The following OSMR variants were observed in gnomAD, a reference collection of about 807,000 sequenced individuals.
OSMR encodes the protein oncostatin-M-specific receptor subunit beta.
In OSMR, 81 loss-of-function variants were observed where a neutral mutation model predicts 99.9. The observed-to-expected ratio is 0.81, with a 90% confidence interval of 0.68 to 0.97. The LOEUF (loss-of-function observed/expected upper bound fraction) is 0.97, where lower values mean the gene tolerates loss of function less well. Ranked by LOEUF, OSMR falls within the 50% of genes least tolerant of loss-of-function variation. The probability of loss-of-function intolerance (pLI) is 0.00; values close to 1 mark genes in which losing one functional copy is unlikely to be tolerated. For synonymous variants in OSMR, 406 were observed against 410.4 expected, an observed-to-expected ratio of 0.99 and a Z score of 0.13; for missense variants, 1,099 against 1,153.4, an observed-to-expected ratio of 0.95 and a Z score of 0.68.
intron 1 of OSMR, among the ~76,000 whole-genome samples, chr5:38,856,544 A>G (rs1160806514): frequency 6.9e-6 from 1 of 145,450 alleles, no homozygotes; most frequent in Admixed American, 6.9e-5. Flanking sequence ...GACAGAAGAA[A>G]ACAGGGAATC....
chr5:38,921,908 C>T (rs1014920388), intron 12 of OSMR, 114 bp downstream of exon 12: 20 of 887,328 alleles, frequency 2.3e-5, no homozygotes, highest in East Asian at 7.4e-5. Context: ...AATTTTGAAA[C>T]GACAAATCCA....
At chr5:38,943,205 A>G (rs1561433307) in intron 1 of OSMR, 3 of 386,406 alleles carry the variant, frequency 7.8e-6, no homozygotes, top group Non-Finnish European at 1.4e-5. Context: ...ACTTCTTGTA[A>G]AATTGAAGCA....
intron 6 of OSMR, 26 bp downstream of exon 6, chr5:38,885,510 G>A (rs1307839446): frequency 6.2e-7 from 1 of 1,613,722 alleles, no homozygotes. Context: ...TTACATTATT[G>A]ACAACTTCTT....
intron 2 of OSMR, among the ~76,000 whole-genome samples, chr5:38,870,822 A>G (rs991928579): frequency 6.6e-6 from 1 of 152,170 alleles, no homozygotes; most frequent in Non-Finnish European, 1.5e-5. Context: ...ATGGGCAGAA[A>G]TAGGCTGTAA....
At position 38,917,439 on chromosome 5, in the gene OSMR, C is replaced by T. The variant is rs151114407; in HGVS notation, c.1286-107C>T. The T allele has an allele frequency of 2.2e-5, 33 of 1,526,924 alleles. No individual in the cohort carries two copies. In the African/African-American group the frequency reaches 2.6e-4, roughly 12 times the overall value. The allele number at this position is 1,526,924 out of a possible 1,614,324, so 94.6% of individuals were successfully genotyped here. A position where few individuals can be genotyped will look rare whatever the true frequency, so the allele number is the denominator to read the frequency against. ...GAGTGAAAACGGGAGAGGCAAGCCT[C>T]AGGTTGGACAGGTAATTGTCATGTC... On this transcript the variant is annotated intron_variant, in intron 9 of 17. Coordinates refer to ENST00000274276, the MANE Select transcript of OSMR (RefSeq NM_003999.3).
chr5:38,852,990 C>T (rs1472574430), intron 1 of OSMR, among the ~76,000 whole-genome samples: 1 of 152,072 alleles, frequency 6.6e-6, no homozygotes, highest in Non-Finnish European at 1.5e-5. Context: ...CTCGGCCTCC[C>T]AAAGTGCTGG....
At chr5:38,854,627 A>G (rs1009424801) in intron 1 of OSMR, among the ~76,000 whole-genome samples, 5 of 151,676 alleles carry the variant, frequency 3.3e-5, no homozygotes, top group Non-Finnish European at 7.3e-5. Context: ...ATTTTCATTA[A>G]AAAAAGATTG....
intron 14 of OSMR, 119 bp from the exon 15 acceptor site, chr5:38,925,085 C>T: frequency 6.5e-7 from 1 of 1,531,926 alleles, no homozygotes; most frequent in Non-Finnish European, 8.8e-7. Flanking sequence ...TTGGTATAAA[C>T]ATGTTGGTGG....
rs140449025 is a variant in OSMR, at chr5:38,914,929, G to A, written c.1286-2617G>A. On this transcript the variant is annotated intron_variant, in intron 9 of 17. Coordinates refer to ENST00000274276, the MANE Select transcript of OSMR (RefSeq NM_003999.3). ...GGGATCATTCATATTCCAAACCTCA[G>A]CATTGCACAATATACCCATGTAACA... Among the ~76,000 whole-genome samples the A allele has an allele frequency of 2.0e-5, 3 of 152,260 alleles. No homozygotes were observed. In the East Asian group the frequency reaches 5.8e-4, roughly 29 times the overall value.
intron 4 of OSMR, among the ~76,000 whole-genome samples, chr5:38,882,206 C>T (rs1743344458): frequency 6.6e-6 from 1 of 152,182 alleles, no homozygotes. Flanking sequence ...GACTATTCAA[C>T]TCTGCTACTG....
intron 2 of OSMR, among the ~76,000 whole-genome samples, chr5:38,869,782 G>T (rs1390736592): frequency 6.6e-6 from 1 of 152,138 alleles, no homozygotes; most frequent in Non-Finnish European, 1.5e-5. Context: ...AACTTGTTTA[G>T]AAGTAGATCT....
intron 3 of OSMR, among the ~76,000 whole-genome samples, chr5:38,879,205 G>A (rs1306693568): frequency 1.3e-5 from 2 of 152,244 alleles, no homozygotes; most frequent in African/African-American, 4.8e-5. Flanking sequence ...GGCCCAACAG[G>A]CATGAGCAGA....
At chr5:38,870,186 C>A (rs2112249673) in intron 2 of OSMR, among the ~76,000 whole-genome samples, 1 of 152,254 alleles carries the variant, frequency 6.6e-6, no homozygotes, top group African/African-American at 2.4e-5. Context: ...TGATGTTAGT[C>A]TCTTCTAATC....
intron 1 of OSMR, among the ~76,000 whole-genome samples, chr5:38,853,870 G>C (rs79661950): frequency 0.02 from 2,978 of 152,242 alleles, 106 homozygotes; most frequent in African/African-American, 0.068. Flanking sequence ...GGTGGGGTGT[G>C]GGGGACGGAC....
chr5:38,912,207 A>C (rs957897905), intron 9 of OSMR, among the ~76,000 whole-genome samples: 1 of 152,244 alleles, frequency 6.6e-6, no homozygotes, highest in African/African-American at 2.4e-5. Flanking sequence ...AGATCTGATT[A>C]AAAGAAAAAA....
intron 15 of OSMR, among the ~76,000 whole-genome samples, chr5:38,926,825 C>G (rs151240637): frequency 0.019 from 2,832 of 152,284 alleles, 57 homozygotes; most frequent in African/African-American, 0.052. Context: ...ACCCAAAAGT[C>G]CAAGTCCAAA....
At chr5:38,849,567 C>CT (rs1389061666) in intron 1 of OSMR, among the ~76,000 whole-genome samples, 3 of 151,594 alleles carry the variant, frequency 2.0e-5, no homozygotes, top group South Asian at 2.1e-4. Flanking sequence ...TTTAAAACAA[C>CT]TTTTTTTATA....
At chr5:38,931,476 T>C (rs936877458) in intron 15 of OSMR, among the ~76,000 whole-genome samples, 2 of 152,202 alleles carry the variant, frequency 1.3e-5, no homozygotes, top group African/African-American at 2.4e-5. Flanking sequence ...TGCATGCACA[T>C]TTAAAGCACT....
intron 7 of OSMR, among the ~76,000 whole-genome samples, chr5:38,903,070 C>T (rs1321901060): frequency 1.3e-5 from 2 of 152,200 alleles, no homozygotes; most frequent in Admixed American, 1.3e-4. Context: ...TCTACTTCAC[C>T]AATGAGCCAT....
Sources: gnomAD v4.1 joint callset for allele counts (sites outside exome capture counted in the v4.1 genomes callset) on GRCh38, gnomAD v4.1.1 for gene constraint, MANE v1.5 for transcripts, NCBI Gene and HGNC (gene_info 2026-07-23, HGNC 2026-07-21) for gene names.